ADAD1: variants seen among roughly 807,000 people sequenced by gnomAD.
The protein encoded by ADAD1 is adenosine deaminase domain-containing protein 1.
ADAD1 carries 46 observed loss-of-function variants against 66.8 expected under a neutral mutation model. The observed-to-expected ratio is 0.69, with a 90% CI of 0.54 to 0.88. The LOEUF is 0.88. Among genes scored for constraint, ADAD1 ranks in the 40% least tolerant of loss-of-function variants. The pLI, the probability that ADAD1 is intolerant of heterozygous loss-of-function variation, is 0.00. For missense variants in ADAD1, 617 were observed against 681.8 expected (o/e 0.91, Z 1.06); for synonymous variants, 248 against 229.4 (o/e 1.08, Z -0.73).
chr4:122,382,096 G>A (rs902213655), intron 4 of ADAD1, among the ~76,000 whole-genome samples: 1 of 152,138 alleles, frequency 6.6e-6, no homozygotes, highest in Non-Finnish European at 1.5e-5. Flanking sequence ...TGTAGAAGGT[G>A]GACTTAATTT....
intron 4 of ADAD1, 128 bp from the exon 5 acceptor site, chr4:122,383,671 T>A: frequency 9.7e-7 from 1 of 1,033,850 alleles, no homozygotes; most frequent in Non-Finnish European, 1.4e-6. Context: ...ACAAAAGGAC[T>A]TGTAAAGTTG....
At chr4:122,405,297 C>T (rs912576609) in intron 7 of ADAD1, among the ~76,000 whole-genome samples, 10 of 152,262 alleles carry the variant, frequency 6.6e-5, no homozygotes, top group African/African-American at 2.4e-4. Flanking sequence ...CAAAGAAACC[C>T]TCCTTTAAAC....
chr4:122,425,944 G>T (rs1178380367), intron 12 of ADAD1, among the ~76,000 whole-genome samples: 1 of 151,856 alleles, frequency 6.6e-6, no homozygotes, highest in Non-Finnish European at 1.5e-5. Flanking sequence ...CAAGAAGCCA[G>T]AAGAAGAAGA....
chr4:122,388,625 ATTTC>A (rs1795291407), intron 5 of ADAD1, among the ~76,000 whole-genome samples: 1 of 151,916 alleles, frequency 6.6e-6, no homozygotes, highest in Non-Finnish European at 1.5e-5. Context: ...GAATTTATCT[ATTTC>A]TTCCAGATTT....
At chr4:122,421,584 G>T (rs1398640207) in intron 12 of ADAD1, among the ~76,000 whole-genome samples, 194 bp downstream of exon 12, 1 of 152,148 alleles carries the variant, frequency 6.6e-6, no homozygotes, top group Non-Finnish European at 1.5e-5. Flanking sequence ...GCCATTTAAA[G>T]TAGCCATTTT....
intron 11 of ADAD1, among the ~76,000 whole-genome samples, chr4:122,418,552 G>C (rs1282575480): frequency 1.3e-5 from 2 of 152,080 alleles, no homozygotes; most frequent in African/African-American, 4.8e-5. Flanking sequence ...TCTATCTCCT[G>C]ACCTCATGAT....
intron 4 of ADAD1, among the ~76,000 whole-genome samples, chr4:122,381,512 T>C (rs1417861373): frequency 6.6e-6 from 1 of 152,224 alleles, no homozygotes; most frequent in Non-Finnish European, 1.5e-5. Context: ...ACTATGATTA[T>C]TTTATGAGAA....
At position 122,379,813 on chromosome 4, in the gene ADAD1, C is replaced by T. The variant is rs576285892; in HGVS notation, c.-8-249C>T. The T allele has an allele frequency of 1.3e-5, 5 of 380,410 alleles. No individual in the cohort carries two copies. In the South Asian group the frequency reaches 2.5e-4, roughly 19 times the overall value. 23.6% of individuals were successfully genotyped at this position (380,410 alleles called of 1,614,324 possible). A position where few individuals can be genotyped will look rare whatever the true frequency, so the allele number is the denominator to read the frequency against. On this transcript the variant is annotated intron_variant, in intron 2 of 12. Transcript: ENST00000296513. ...GTAGTTTTAAGGTCTTTTACAGGGACCTCTCTCTGTTCCTTCTTTCCTCCT... is the reference window on the plus strand; with the variant it reads ...GTAGTTTTAAGGTCTTTTACAGGGATCTCTCTCTGTTCCTTCTTTCCTCCT...
chr4:122,387,847 C>CCTCCT (rs576364006), intron 5 of ADAD1, among the ~76,000 whole-genome samples: 56 of 151,782 alleles, frequency 3.7e-4, no homozygotes, highest in African/African-American at 1.3e-3. Flanking sequence ...GCAAGCTCTG[C>CCTCCT]CTCCTGGGTT....
chr4:122,427,977 C>T (rs1188252326), intron 12 of ADAD1, among the ~76,000 whole-genome samples: 1 of 152,086 alleles, frequency 6.6e-6, no homozygotes, highest in Admixed American at 6.6e-5. Context: ...CAGAAATAAA[C>T]CTATACACAT....
chr4:122,405,499 G>T (rs913294911), intron 7 of ADAD1, among the ~76,000 whole-genome samples: 5 of 152,092 alleles, frequency 3.3e-5, no homozygotes, highest in African/African-American at 1.2e-4. Flanking sequence ...AGTGGATTTT[G>T]TTACCTATTC....
At chr4:122,399,001 T>C (rs750261092) in intron 7 of ADAD1, among the ~76,000 whole-genome samples, 1 of 152,188 alleles carries the variant, frequency 6.6e-6, no homozygotes, top group African/African-American at 2.4e-5. Flanking sequence ...TCTTTGTTTT[T>C]GTTGCATTTG....
rs1193051479 is a variant in ADAD1 at position 122,379,352 on chromosome 4, G to A, written c.-82-20G>A. 6.6e-6 allele frequency: 1 copy of A among 152,378 alleles called. No homozygotes were observed. 9.4% of individuals were successfully genotyped at this position (152,378 alleles called of 1,614,324 possible). ...CACCCAGGCCTCGAACGCCTGCGATGGTCGGCGTCTCTTCCCTAGGTGACG... is the reference window on the plus strand; with the variant it reads ...CACCCAGGCCTCGAACGCCTGCGATAGTCGGCGTCTCTTCCCTAGGTGACG... On this transcript the variant is annotated intron_variant, in intron 1 of 12. Transcript: ENST00000296513.
At chr4:122,422,211 G>A (rs1269728658) in intron 12 of ADAD1, among the ~76,000 whole-genome samples, 4 of 142,506 alleles carry the variant, frequency 2.8e-5, no homozygotes. Flanking sequence ...TGCAACTTCT[G>A]CCTCCTGGGT....
At chr4:122,423,804 T>G (rs1220700317) in intron 12 of ADAD1, among the ~76,000 whole-genome samples, 1 of 152,208 alleles carries the variant, frequency 6.6e-6, no homozygotes, top group Non-Finnish European at 1.5e-5. Flanking sequence ...ATGTCTATTA[T>G]AGGCAAATGC....
rs868522399 is a variant in ADAD1 at position 122,422,977 on chromosome 4, A to G, written c.1617+1587A>G. On this transcript the variant is annotated intron_variant, in intron 12 of 12. Transcript: ENST00000296513. ...TCTTTAAAAAAAAAAAAAAAAAAAAAAAGAAGAAGAAGAAGAAGAAGGAAA... is the reference window on the plus strand; with the variant it reads ...TCTTTAAAAAAAAAAAAAAAAAAAAGAAGAAGAAGAAGAAGAAGAAGGAAA... Among the ~76,000 whole-genome samples, 820 of 149,108 alleles carry G rather than the reference A, an allele frequency of 5.5e-3. 5 individuals carry two copies. Among genetic ancestry groups the G allele is most frequent in the African/African-American group, 0.017 (686 of 40,272 alleles).
chr4:122,404,371 C>G (rs1342648761), intron 7 of ADAD1, among the ~76,000 whole-genome samples: 4 of 152,136 alleles, frequency 2.6e-5, no homozygotes, highest in Non-Finnish European at 5.9e-5. Flanking sequence ...CAGGGCTCTT[C>G]CCGCTGTTGG....
chr4:122,416,590 A>G (rs1796744919), intron 11 of ADAD1, among the ~76,000 whole-genome samples: 1 of 152,084 alleles, frequency 6.6e-6, no homozygotes, highest in African/African-American at 2.4e-5. Context: ...AGTATTAACC[A>G]GGAGTGGGAG....
chr4:122,380,858 T>C (rs1794862309), intron 3 of ADAD1, 134 bp from the exon 4 acceptor site: 1 of 799,486 alleles, frequency 1.3e-6, no homozygotes, highest in Non-Finnish European at 1.9e-6. Context: ...CAAAATTGTT[T>C]AGTAGAAACT....
Sources: allele counts gnomAD v4.1 joint callset (sites outside exome capture counted in the v4.1 genomes callset), GRCh38; gene constraint gnomAD v4.1.1; transcripts MANE v1.5; gene names NCBI Gene and HGNC (gene_info 2026-07-23, HGNC 2026-07-21).